The following FAM20C variants were observed in gnomAD, a reference collection of about 807,000 sequenced individuals.
The protein encoded by FAM20C is extracellular serine/threonine protein kinase FAM20C.
In FAM20C, 40 loss-of-function variants were observed where a neutral mutation model predicts 51.5. The observed-to-expected ratio is 0.78, with a 90% CI of 0.60 to 1.01. FAM20C has a LOEUF of 1.01. Ranked by LOEUF, FAM20C falls within the 50% of genes least tolerant of loss-of-function variation. The probability of loss-of-function intolerance (pLI) is 0.00; values close to 1 mark genes in which losing one functional copy is unlikely to be tolerated. For missense variants in FAM20C, 861 were observed against 844.7 expected (o/e 1.02, Z -0.24); for synonymous variants, 406 against 380.6 (o/e 1.07, Z -0.78).
intron 3 of FAM20C, among the ~76,000 whole-genome samples, chr7:216,715 G>GTA (rs1787001100): frequency 6.6e-6 from 1 of 151,468 alleles, no homozygotes; most frequent in African/African-American, 2.4e-5. Context: ...GAGTGTGTGT[G>GTA]TGTGTGTGTG....
At chr7:209,674 C>T (rs1434004570) in intron 3 of FAM20C, among the ~76,000 whole-genome samples, 1 of 152,204 alleles carries the variant, frequency 6.6e-6, no homozygotes, top group African/African-American at 2.4e-5. Context: ...CTGTGGCAGG[C>T]GTCCCACAGG....
chr7:208,682 G>C (rs1200827848), intron 2 of FAM20C, among the ~76,000 whole-genome samples: 1 of 151,272 alleles, frequency 6.6e-6, no homozygotes, highest in Non-Finnish European at 1.5e-5. Context: ...GGTCAGCATG[G>C]AGAGATCTAC....
intron 1 of FAM20C, chr7:194,247 A>G (rs4275177): frequency 0.27 from 43,652 of 159,148 alleles, 6,215 homozygotes; most frequent in Admixed American, 0.36. Context: ...CAGTGGCTGG[A>G]GCAGAATTAT....
intron 3 of FAM20C, among the ~76,000 whole-genome samples, chr7:226,248 C>T (rs1305547590): frequency 1.3e-5 from 2 of 152,132 alleles, no homozygotes; most frequent in African/African-American, 2.4e-5. Flanking sequence ...CCACAGAGGA[C>T]GGATTCCCTT....
chr7:218,549 G>T (rs990797504), intron 3 of FAM20C, among the ~76,000 whole-genome samples: 5 of 152,098 alleles, frequency 3.3e-5, no homozygotes, highest in Non-Finnish European at 5.9e-5. Context: ...GGCGGGGCAG[G>T]GTCTGAGTGA....
At chr7:216,367 G>A (rs1583300685) in intron 3 of FAM20C, among the ~76,000 whole-genome samples, 1 of 5,420 alleles carries the variant, frequency 1.8e-4, no homozygotes, top group Non-Finnish European at 5.4e-4. Context: ...GAGCTGGGTG[G>A]GGGGAGCAGG....
chr7:260,137 A>T lies in FAM20C; in HGVS notation c.*157A>T. The T allele has an allele frequency of 9.8e-7, 1 of 1,017,054 alleles. No individual in the cohort carries two copies. The highest frequency in any genetic ancestry group is 1.3e-6 in the Non-Finnish European group (1 of 742,262). The allele number at this position is 1,017,054 out of a possible 1,614,324, so 63.0% of individuals were successfully genotyped here. A position where few individuals can be genotyped will look rare whatever the true frequency, so the allele number is the denominator to read the frequency against. On this transcript the variant is annotated 3_prime_UTR_variant, in exon 10 of 10. Transcript: ENST00000313766. ...CAGGAGGCGAGGCTCCCCAGGTCTCATAGGACACATTTTGTCAGTGTTTGA... is the reference window on the plus strand; with the variant it reads ...CAGGAGGCGAGGCTCCCCAGGTCTCTTAGGACACATTTTGTCAGTGTTTGA...
Position 257,795 on chromosome 7 carries a change from T to C in FAM20C, c.1445+709T>C, listed in dbSNP as rs373208756. ...GACCCACTGCCCGGGGTGCTGGAGATGGGCTGGGTGGACCCACTGCCCGGG... is the reference window on the plus strand; with the variant it reads ...GACCCACTGCCCGGGGTGCTGGAGACGGGCTGGGTGGACCCACTGCCCGGG... On this transcript the variant is annotated intron_variant, in intron 8 of 9. Transcript: ENST00000313766. 2.8e-3 allele frequency among the ~76,000 whole-genome samples: 342 copies of C among 120,466 alleles called. 1 individual carries two copies. The highest frequency in any genetic ancestry group is 7.0e-3 in the South Asian group (25 of 3,580). 79.0% of individuals were successfully genotyped at this position (120,466 alleles called of 152,430 possible). A position where few individuals can be genotyped will look rare whatever the true frequency, so the allele number is the denominator to read the frequency against.
chr7:199,493 C>T (rs1786033351), intron 2 of FAM20C, among the ~76,000 whole-genome samples: 1 of 152,260 alleles, frequency 6.6e-6, no homozygotes, highest in African/African-American at 2.4e-5. Flanking sequence ...CCTGGGTGCT[C>T]ACTTTAATCT....
At position 256,762 on chromosome 7, in the gene FAM20C, G is replaced by A. The variant is rs1050563008; in HGVS notation, c.1362G>A (p.Met454Ile). 2.0e-6 allele frequency: 3 copies of A among 1,535,990 alleles called. No individual in the cohort carries two copies. Among genetic ancestry groups the A allele is most frequent in the Non-Finnish European group, 2.6e-6 (3 of 1,146,736 alleles). Residue 454 changes from methionine to isoleucine, a missense_variant and splice_region_variant, in exon 7 of 10, where the codon ATG becomes ATA. This residue lies in a region of FAM20C where 269 missense variants were observed against 283.8 expected (regional missense o/e 0.95). Coordinates refer to ENST00000313766, the MANE Select transcript of FAM20C (RefSeq NM_020223.4). ...VMDMTIFDFL[M>I]GNMDRHHYET... ...ACATGACGATCTTCGACTTCCTCATGGGTACGTCCCGCAGGGGCACGGGGT... is the reference window on the plus strand; with the variant it reads ...ACATGACGATCTTCGACTTCCTCATAGGTACGTCCCGCAGGGGCACGGGGT...
chr7:198,121 C>G (rs1369382876), intron 2 of FAM20C, among the ~76,000 whole-genome samples: 1 of 152,220 alleles, frequency 6.6e-6, no homozygotes, highest in African/African-American at 2.4e-5. Context: ...CACATTGGTT[C>G]TCATCCAGTC....
intron 3 of FAM20C, among the ~76,000 whole-genome samples, chr7:241,615 C>T (rs917346355): frequency 1.3e-5 from 2 of 150,824 alleles, no homozygotes; most frequent in South Asian, 4.2e-4. Flanking sequence ...TCCATGCACA[C>T]GTGTGCATCT....
intron 3 of FAM20C, among the ~76,000 whole-genome samples, chr7:232,336 C>A (rs976329668): frequency 3.9e-5 from 6 of 152,230 alleles, no homozygotes; most frequent in Non-Finnish European, 7.3e-5. Context: ...CCCAGCCCCC[C>A]ACCTCTCAGA....
At chr7:232,568 A>G (rs900683509) in intron 3 of FAM20C, among the ~76,000 whole-genome samples, 5,512 of 152,348 alleles carry the variant, frequency 0.036, 359 homozygotes, top group African/African-American at 0.12. Flanking sequence ...CTAGTCCCTC[A>G]TAGGCATTGG....
Position 207,869 on chromosome 7 carries a change from C to G in FAM20C, c.785-1029C>G, listed in dbSNP as rs991158383. ...TGCTGTGGGAACCCCCCGGAGCCCC[C>G]TTCCTTCTCCACCAGCAAAAAGGAA... On this transcript the variant is annotated intron_variant, in intron 2 of 9. Coordinates refer to ENST00000313766, the MANE Select transcript of FAM20C (RefSeq NM_020223.4). Among the ~76,000 whole-genome samples the G allele has an allele frequency of 2.0e-5, 3 of 152,232 alleles. No individual in the cohort carries two copies. In the South Asian group the frequency reaches 6.2e-4, roughly 32 times the overall value.
At chr7:226,312 G>T (rs996933445) in intron 3 of FAM20C, among the ~76,000 whole-genome samples, 1 of 152,138 alleles carries the variant, frequency 6.6e-6, no homozygotes, top group African/African-American at 2.4e-5. Context: ...GACCGGCTAG[G>T]AGGGGCCCTG....
In FAM20C at chr7:246,560, G is replaced by A. The variant is rs376803914; in HGVS notation, c.956+53G>A. On this transcript the variant is annotated intron_variant, in intron 4 of 9. Coordinates refer to ENST00000313766, the MANE Select transcript of FAM20C (RefSeq NM_020223.4). ...GCGCTCCCGTGCGCTCAGACCCACCGGTGAGTGAGGCCGTCCTGCACTGGA... is the reference window on the plus strand; with the variant it reads ...GCGCTCCCGTGCGCTCAGACCCACCAGTGAGTGAGGCCGTCCTGCACTGGA... The A allele has an allele frequency of 2.3e-4, 272 of 1,161,420 alleles. 1 individual carries two copies. The highest frequency in any genetic ancestry group is 2.9e-4 in the Non-Finnish European group (255 of 881,008). 71.9% of individuals were successfully genotyped at this position (1,161,420 alleles called of 1,614,324 possible).
In FAM20C at chr7:255,968, G is replaced by A. The variant is rs1422530861; in HGVS notation, c.1192G>A (p.Ala398Thr). 6.5e-7 allele frequency: 1 copy of A among 1,536,168 alleles called. No individual in the cohort carries two copies. Among genetic ancestry groups the A allele is most frequent in the Non-Finnish European group, 8.7e-7 (1 of 1,146,818 alleles). The change falls in exon 6 of 10, where the codon GCC becomes ACC. Residue 398 changes from alanine (A) to threonine (T), a missense_variant. This residue lies in a region of FAM20C where 269 missense variants were observed against 283.8 expected (regional missense o/e 0.95). Transcript: ENST00000313766. The stretch of plus-strand genomic sequence containing the variant: ...GGCCTTCCTGCCCGACCTGTCCCTG[G>A]CCAAGAGGAAGACCTGGCGGAACCC... Reference protein sequence around the residue: ...LAAFLPDLSLAKRKTWRNPWR... With the variant: ...LAAFLPDLSLTKRKTWRNPWR...
chr7:217,935 A>G (rs1481665172), intron 3 of FAM20C, among the ~76,000 whole-genome samples: 1 of 151,908 alleles, frequency 6.6e-6, no homozygotes, highest in African/African-American at 2.4e-5. Context: ...TTGATGTTCT[A>G]TTGATGTTCC....
Sources: gnomAD v4.1 joint callset for allele counts (sites outside exome capture counted in the v4.1 genomes callset) on GRCh38, gnomAD v4.1.1 for gene constraint, gnomAD v4.1.1 regional missense constraint, MANE v1.5 for transcripts, NCBI Gene and HGNC (gene_info 2026-07-23, HGNC 2026-07-21) for gene names.